RHBDD1: variants seen among roughly 807,000 people sequenced by gnomAD.
RHBDD1 encodes rhomboid-related protein 4.
In RHBDD1, 38 loss-of-function variants were observed where a neutral mutation model predicts 36.3. The ratio of observed to expected loss-of-function variants is 1.05; its 90% CI spans 0.81 to 1.37. RHBDD1 has a LOEUF of 1.37. Ranked by LOEUF, RHBDD1 falls within the 40% of genes most tolerant of loss-of-function variation. The pLI is 0.00. For synonymous variants in RHBDD1, 151 were observed against 136.5 expected (o/e 1.11, Z -0.74); for missense variants, 393 against 377.6 (o/e 1.04, Z -0.34).
At chr2:226,973,283 C>G (rs1480179361) in intron 8 of RHBDD1, among the ~76,000 whole-genome samples, 1 of 152,186 alleles carries the variant, frequency 6.6e-6, no homozygotes, top group East Asian at 1.9e-4. Flanking sequence ...ATGAGATTTG[C>G]CTGGCATCAA....
intron 5 of RHBDD1, among the ~76,000 whole-genome samples, chr2:226,881,488 A>G (rs143412662): frequency 1.3e-5 from 2 of 152,292 alleles, no homozygotes; most frequent in East Asian, 1.9e-4. Context: ...CTGATTCACT[A>G]ATTTTACACA....
At chr2:226,862,668 G>A (rs13402347) in intron 3 of RHBDD1, among the ~76,000 whole-genome samples, 37,146 of 152,088 alleles carry the variant, frequency 0.24, 8,631 homozygotes, top group African/African-American at 0.61. Context: ...TCATGAGCAT[G>A]AAACAGTCCC....
the RHBDD1 span, among the ~76,000 whole-genome samples, chr2:226,823,708 A>G: frequency 6.6e-6 from 1 of 152,220 alleles, no homozygotes; most frequent in Non-Finnish European, 1.5e-5. Flanking sequence ...TGGGTAATTT[A>G]TGATCAACAG....
At chr2:226,940,811 T>A (rs1950615038) in intron 8 of RHBDD1, among the ~76,000 whole-genome samples, 1 of 152,150 alleles carries the variant, frequency 6.6e-6, no homozygotes, top group Non-Finnish European at 1.5e-5. Context: ...CCATTAACTG[T>A]GACCAGGATT....
the RHBDD1 span, among the ~76,000 whole-genome samples, chr2:226,815,982 C>A: frequency 7.0e-4 from 107 of 152,288 alleles, no homozygotes; most frequent in African/African-American, 2.4e-3. Context: ...TTGCCCCCTG[C>A]TCTGTCTCTA....
the RHBDD1 span, among the ~76,000 whole-genome samples, chr2:226,829,096 T>G: frequency 3.3e-5 from 5 of 152,166 alleles, no homozygotes; most frequent in African/African-American, 1.2e-4. Context: ...GTTCATAGTT[T>G]TTTTCAGACA....
At chr2:226,819,977 G>GTTTTTTT in the RHBDD1 span, among the ~76,000 whole-genome samples, 1 of 118,276 alleles carries the variant, frequency 8.5e-6, no homozygotes, top group Non-Finnish European at 1.8e-5. Flanking sequence ...TATTGTGTGT[G>GTTTTTTT]TTTTTTTTTT....
intron 3 of RHBDD1, among the ~76,000 whole-genome samples, chr2:226,850,619 G>A (rs528804752): frequency 6.6e-6 from 1 of 152,044 alleles, no homozygotes; most frequent in African/African-American, 2.4e-5. Context: ...GATTCTAGGT[G>A]GTGTCTATAG....
chr2:226,803,869 C>A, the RHBDD1 span, among the ~76,000 whole-genome samples: 23 of 152,126 alleles, frequency 1.5e-4, no homozygotes, highest in African/African-American at 5.6e-4. Flanking sequence ...GCTTCTCAAA[C>A]CCGAGGATCT....
chr2:226,977,719 A>C (rs567668813), intron 8 of RHBDD1, among the ~76,000 whole-genome samples: 1 of 152,326 alleles, frequency 6.6e-6, no homozygotes, highest in East Asian at 1.9e-4. Context: ...TCAGGCTGCA[A>C]ATATGTCAAG....
intron 5 of RHBDD1, among the ~76,000 whole-genome samples, chr2:226,885,857 A>G (rs1176831939): frequency 2.0e-5 from 3 of 152,136 alleles, no homozygotes; most frequent in African/African-American, 2.4e-5. Context: ...GTGCAGAACA[A>G]TATATATGCT....
chr2:226,937,734 G>A (rs780733542), intron 8 of RHBDD1, among the ~76,000 whole-genome samples: 1 of 152,116 alleles, frequency 6.6e-6, no homozygotes, highest in Admixed American at 6.6e-5. Flanking sequence ...AAGGATAATG[G>A]CCTCCAGCTT....
At chr2:226,861,662 G>A (rs1399001505) in intron 3 of RHBDD1, among the ~76,000 whole-genome samples, 2 of 152,172 alleles carry the variant, frequency 1.3e-5, no homozygotes, top group African/African-American at 4.8e-5. Flanking sequence ...ATCAAGGCCA[G>A]TTTTTCCATT....
rs1323762149 is a variant in RHBDD1 at position 226,996,675 on chromosome 2, A to C, written c.*1153A>C. On this transcript the variant is annotated 3_prime_UTR_variant, in exon 9 of 9. Transcript: ENST00000392062. ...CCAGATGCATAAGGCAAACATCTGG[A>C]AAGAAATATACCCAAATCTTAGCAG... The C allele has an allele frequency of 6.6e-6, 1 of 152,246 alleles. No homozygotes were observed. The highest frequency in any genetic ancestry group is 1.9e-4 in the East Asian group (1 of 5,200). The allele number at this position is 152,246 out of a possible 1,614,324, so 9.4% of individuals were successfully genotyped here.
intron 8 of RHBDD1, among the ~76,000 whole-genome samples, chr2:226,982,676 T>G (rs1243404523): frequency 6.6e-6 from 1 of 152,216 alleles, no homozygotes; most frequent in Non-Finnish European, 1.5e-5. Flanking sequence ...TGTTCCTCAC[T>G]ATTTGTGTCT....
chr2:226,845,924 A>G (rs1317352005), intron 3 of RHBDD1, among the ~76,000 whole-genome samples: 2 of 152,242 alleles, frequency 1.3e-5, no homozygotes, highest in African/African-American at 4.8e-5. Context: ...CCAGAAGTTT[A>G]GAAGCTTATT....
intron 7 of RHBDD1, among the ~76,000 whole-genome samples, chr2:226,909,673 A>G (rs956514882): frequency 1.3e-5 from 2 of 152,112 alleles, no homozygotes; most frequent in Non-Finnish European, 2.9e-5. Context: ...AGAGCTCTCT[A>G]GCTTCCTCAC....
chr2:226,968,589 G>T (rs1204559707), intron 8 of RHBDD1, among the ~76,000 whole-genome samples: 1 of 152,190 alleles, frequency 6.6e-6, no homozygotes, highest in Non-Finnish European at 1.5e-5. Context: ...AACCTGAGAT[G>T]GTGGCTTAGC....
chr2:226,810,220 A>AT, the RHBDD1 span, among the ~76,000 whole-genome samples: 1 of 152,144 alleles, frequency 6.6e-6, no homozygotes. Flanking sequence ...TATATACTGT[A>AT]TTTTTAAAAT....
Sources: gnomAD v4.1 joint callset for allele counts (sites outside exome capture counted in the v4.1 genomes callset) on GRCh38, gnomAD v4.1.1 for gene constraint, MANE v1.5 for transcripts, NCBI Gene and HGNC (gene_info 2026-07-23, HGNC 2026-07-21) for gene names.